PARD3B: variants seen among roughly 807,000 people sequenced by gnomAD.
PARD3B encodes par-3 family cell polarity regulator beta.
A neutral mutation model predicts 130.2 loss-of-function variants in PARD3B; 103 were observed. The ratio of observed to expected loss-of-function variants is 0.79; its 90% CI spans 0.67 to 0.93. PARD3B has a LOEUF of 0.93. Among genes scored for constraint, PARD3B ranks in the 40% least tolerant of loss-of-function variants. The pLI, the probability that PARD3B is intolerant of heterozygous loss-of-function variation, is 0.00. For missense variants in PARD3B, 1,609 were observed against 1,499.2 expected (o/e 1.07, Z -1.21); for synonymous variants, 583 against 553.2 (o/e 1.05, Z -0.76).
rs115349076 is a variant in PARD3B, at chr2:204,946,203, G to A, written c.223-18949G>A. On this transcript the variant is annotated intron_variant, in intron 2 of 22. Transcript: ENST00000406610. ...CTGAATTGATAGGTTCTTGAAATGA[G>A]GAGTTGTATGCTCAGTTCTTAACAC... Among the ~76,000 whole-genome samples, 356 of 152,286 alleles carry A rather than the reference G, an allele frequency of 2.3e-3. 1 individual carries two copies. The highest frequency in any genetic ancestry group is 6.8e-3 in the Middle Eastern group (2 of 294).
intron 1 of PARD3B, among the ~76,000 whole-genome samples, chr2:204,614,240 G>A (rs369947100): frequency 2.7e-4 from 41 of 152,170 alleles, no homozygotes; most frequent in African/African-American, 7.5e-4. Flanking sequence ...GTTTAAAAAC[G>A]TAAAGCTGAT....
chr2:205,358,210 T>C (rs2044264961), intron 18 of PARD3B, among the ~76,000 whole-genome samples: 1 of 152,196 alleles, frequency 6.6e-6, no homozygotes, highest in Admixed American at 6.5e-5. Flanking sequence ...TCTTGTCCAA[T>C]CACCGCTACT....
At chr2:205,430,088 T>G (rs375476982) in intron 19 of PARD3B, among the ~76,000 whole-genome samples, 27 of 152,294 alleles carry the variant, frequency 1.8e-4, no homozygotes, top group African/African-American at 6.5e-4. Context: ...CTTAATTACA[T>G]GTACAGAGAC....
intron 1 of PARD3B, among the ~76,000 whole-genome samples, chr2:204,557,312 G>A (rs1221282749): frequency 1.3e-5 from 2 of 152,090 alleles, no homozygotes; most frequent in Non-Finnish European, 2.9e-5. Context: ...CCCATTCCTT[G>A]TAGCCTGTTA....
chr2:205,262,310 C>A (rs960896377), intron 16 of PARD3B, among the ~76,000 whole-genome samples: 1 of 152,214 alleles, frequency 6.6e-6, no homozygotes, highest in African/African-American at 2.4e-5. Flanking sequence ...AGATGATGTA[C>A]TAGTTGTGTA....
rs115408067 is a variant in PARD3B at position 204,736,062 on chromosome 2, C to T, written c.222+49780C>T. On this transcript the variant is annotated intron_variant, in intron 2 of 22. Coordinates refer to ENST00000406610, the MANE Select transcript of PARD3B (RefSeq NM_001302769.2). ...GACTTTTGATTCTTAAGTGATGTGACCATTTAAGAAGGCACATCCCTCTTA... is the reference window on the plus strand; with the variant it reads ...GACTTTTGATTCTTAAGTGATGTGATCATTTAAGAAGGCACATCCCTCTTA... Among the ~76,000 whole-genome samples the T allele has an allele frequency of 3.2e-3, 490 of 152,066 alleles. 7 individuals are homozygous for T. The highest frequency in any genetic ancestry group is 0.011 in the African/African-American group (474 of 41,510).
At chr2:204,641,740 C>A (rs79642004) in intron 1 of PARD3B, among the ~76,000 whole-genome samples, 2,839 of 152,288 alleles carry the variant, frequency 0.019, 41 homozygotes, top group Middle Eastern at 0.068. Flanking sequence ...TCTTTGGGAA[C>A]TATTCCAGTG....
At position 204,677,018 on chromosome 2, in the gene PARD3B, A is replaced by G. The variant is rs1317157234; in HGVS notation, c.121-9163A>G. Among the ~76,000 whole-genome samples the G allele has an allele frequency of 5.3e-5, 8 of 151,992 alleles. No individual in the cohort carries two copies. The highest frequency in any genetic ancestry group is 3.9e-4 in the Admixed American group (6 of 15,266). On this transcript the variant is annotated intron_variant, in intron 1 of 22. Transcript: ENST00000406610. This position sits in a 1 kb window ranked among gnomAD's most constrained non-coding sequence, Gnocchi z 4.1. ...TCTTACGCTGAGTTTCTACCTCTCT[A>G]TCGTCTATGTATCATTTCTAGAACA...
At chr2:204,900,595 TA>T (rs1390642415) in intron 2 of PARD3B, among the ~76,000 whole-genome samples, 1 of 152,250 alleles carries the variant, frequency 6.6e-6, no homozygotes, top group Non-Finnish European at 1.5e-5. Context: ...ATAAATCTTT[TA>T]AAAGGTCTCT....
At chr2:204,984,493 T>C (rs1416663977) in intron 3 of PARD3B, among the ~76,000 whole-genome samples, 2 of 152,112 alleles carry the variant, frequency 1.3e-5, no homozygotes, top group South Asian at 2.1e-4. Flanking sequence ...TTAGGAGAAG[T>C]AGATGTTTCC....
intron 18 of PARD3B, among the ~76,000 whole-genome samples, chr2:205,302,329 C>A (rs2042040765): frequency 6.6e-6 from 1 of 151,506 alleles, no homozygotes; most frequent in Non-Finnish European, 1.5e-5. Flanking sequence ...CCTTGGCCTC[C>A]CAAAGTGCTG....
At chr2:204,638,507 A>G (rs546172458) in intron 1 of PARD3B, among the ~76,000 whole-genome samples, 2 of 152,314 alleles carry the variant, frequency 1.3e-5, no homozygotes, top group South Asian at 4.1e-4. Flanking sequence ...TGCTTTAGCC[A>G]AGTGTAATTT....
intron 2 of PARD3B, among the ~76,000 whole-genome samples, chr2:204,753,743 G>T (rs2040555587): frequency 6.6e-6 from 1 of 152,056 alleles, no homozygotes; most frequent in African/African-American, 2.4e-5. Flanking sequence ...AGCACACAAT[G>T]AAATACTTTA....
intron 1 of PARD3B, among the ~76,000 whole-genome samples, chr2:204,635,182 G>C (rs1482043962): frequency 6.6e-6 from 1 of 152,142 alleles, no homozygotes. Flanking sequence ...GTCTTTGATG[G>C]CTTCTTTGCT....
intron 3 of PARD3B, among the ~76,000 whole-genome samples, chr2:204,979,047 A>T (rs2125202226): frequency 6.6e-6 from 1 of 151,786 alleles, no homozygotes; most frequent in African/African-American, 2.4e-5. Flanking sequence ...CTGGAAATGA[A>T]TACAAAAAAT....
chr2:204,692,454 T>A (rs961385246), intron 2 of PARD3B, among the ~76,000 whole-genome samples: 3 of 151,998 alleles, frequency 2.0e-5, no homozygotes, highest in Non-Finnish European at 4.4e-5. Context: ...ATCTATGAAG[T>A]ATATTGTGTT....
rs2055510686 is a variant in PARD3B at position 205,618,729 on chromosome 2, A to G, written c.*2916A>G. ...AGATGAAAGAGGACAGACCATTGAA[A>G]ACTTTTAGATGCAGGAGAATTGAGA... is the stretch of plus-strand genomic sequence containing the variant. On this transcript the variant is annotated 3_prime_UTR_variant, in exon 23 of 23. Transcript: ENST00000406610. 1 of 152,154 alleles carries G rather than the reference A, an allele frequency of 6.6e-6. No individual in the cohort carries two copies. Among genetic ancestry groups the G allele is most frequent in the Non-Finnish European group, 1.5e-5 (1 of 68,034 alleles). The allele number at this position is 152,154 out of a possible 1,614,324, so 9.4% of individuals were successfully genotyped here. A position where few individuals can be genotyped will look rare whatever the true frequency, so the allele number is the denominator to read the frequency against.
At chr2:205,523,527 C>A (rs1198439186) in intron 21 of PARD3B, among the ~76,000 whole-genome samples, 1 of 151,862 alleles carries the variant, frequency 6.6e-6, no homozygotes, top group African/African-American at 2.4e-5. Flanking sequence ...TATTATTTAG[C>A]CTATTTTCTC....
At chr2:205,206,804 T>A (rs1559542658) in intron 15 of PARD3B, among the ~76,000 whole-genome samples, 1 of 151,756 alleles carries the variant, frequency 6.6e-6, no homozygotes, top group South Asian at 2.1e-4. Flanking sequence ...ATTAGACAGA[T>A]CAACGAGACA....
Sources: allele counts gnomAD v4.1 joint callset (sites outside exome capture counted in the v4.1 genomes callset), GRCh38; gene constraint gnomAD v4.1.1; non-coding constraint Gnocchi (gnomAD v3.1); transcripts MANE v1.5; gene names NCBI Gene and HGNC (gene_info 2026-07-23, HGNC 2026-07-21).